The following PTPRD variants were observed in gnomAD, a reference collection of about 807,000 sequenced individuals.
PTPRD encodes receptor-type tyrosine-protein phosphatase delta.
Under a neutral mutation model 214.5 loss-of-function variants are expected in PTPRD, and 34 were observed. The observed-to-expected ratio is 0.16, with a 90% CI of 0.12 to 0.21. The LOEUF (loss-of-function observed/expected upper bound fraction) is 0.21, where lower values mean the gene tolerates loss of function less well. PTPRD is among the 10% of genes least tolerant of loss of function. The pLI, the probability that PTPRD is intolerant of heterozygous loss-of-function variation, is 1.00. For missense variants in PTPRD, 2,545 were observed against 2,398.7 expected (o/e 1.06, Z -1.27); for synonymous variants, 1,128 against 845.7 (o/e 1.33, Z -5.79).
intron 5 of PTPRD, among the ~76,000 whole-genome samples, chr9:9,886,385 G>A (rs141277861): frequency 6.6e-6 from 1 of 152,158 alleles, no homozygotes; most frequent in African/African-American, 2.4e-5. Context: ...CTTCACATGT[G>A]GACATAATAT....
intron 23 of PTPRD, among the ~76,000 whole-genome samples, chr9:8,502,924 G>A (rs2097444437): frequency 6.6e-6 from 1 of 151,354 alleles, no homozygotes; most frequent in Admixed American, 6.6e-5. Flanking sequence ...TAATATTGAA[G>A]CATGTAACAT....
intron 12 of PTPRD, among the ~76,000 whole-genome samples, chr9:8,658,386 T>C (rs540603473): frequency 2.6e-5 from 4 of 152,320 alleles, no homozygotes; most frequent in Admixed American, 2.6e-4. Context: ...GAACTCACAT[T>C]GTGTCCTATT....
At chr9:9,511,922 T>C (rs562089440) in intron 8 of PTPRD, among the ~76,000 whole-genome samples, 1 of 151,880 alleles carries the variant, frequency 6.6e-6, no homozygotes, top group South Asian at 2.1e-4. Flanking sequence ...AAAACTGCTA[T>C]TTGCATTCTT....
At position 9,042,614 on chromosome 9, in the gene PTPRD, C is replaced by CTTTTTTTTTTTTTTTTTTTTTTTTT. The variant is rs775574124; in HGVS notation, c.-142-23880_-142-23879insAAAAAAAAAAAAAAAAAAAAAAAAA. ...CCACTTAGCATTTTTTCTTTTTTTT[C>CTTTTTTTTTTTTTTTTTTTTTTTTT]TTTTCTTTTTTTTTTTTTTTGGTCT... On this transcript the variant is annotated intron_variant, in intron 10 of 45. Transcript: ENST00000381196. Among the ~76,000 whole-genome samples the CTTTTTTTTTTTTTTTTTTTTTTTTT allele has an allele frequency of 1.8e-5, 2 of 112,476 alleles. 1 individual carries two copies. The allele number at this position is 112,476 out of a possible 152,430, so 73.8% of individuals were successfully genotyped here.
intron 5 of PTPRD, among the ~76,000 whole-genome samples, chr9:9,770,820 G>C (rs1342320293): frequency 6.6e-6 from 1 of 152,124 alleles, no homozygotes; most frequent in Non-Finnish European, 1.5e-5. Flanking sequence ...GAAGTATATT[G>C]ATGAAATGAG....
intron 10 of PTPRD, among the ~76,000 whole-genome samples, chr9:9,117,827 G>A (rs2099813793): frequency 1.3e-5 from 2 of 151,694 alleles, no homozygotes; most frequent in Admixed American, 6.6e-5. Context: ...CCCATTGCTT[G>A]AAAAACCAAA....
chr9:8,724,928 A>C (rs2098541556), intron 12 of PTPRD, among the ~76,000 whole-genome samples: 2 of 152,150 alleles, frequency 1.3e-5, no homozygotes, highest in South Asian at 2.1e-4. Context: ...ACAGAGTGAG[A>C]CCCTGTGTCC....
chr9:8,978,578 C>G (rs1034550806), intron 11 of PTPRD, among the ~76,000 whole-genome samples: 1 of 152,052 alleles, frequency 6.6e-6, no homozygotes, highest in Non-Finnish European at 1.5e-5. Flanking sequence ...ACCAAGTGCA[C>G]GCAGCCTTGA....
At chr9:9,390,826 T>C (rs1044082787) in intron 9 of PTPRD, among the ~76,000 whole-genome samples, 3 of 152,154 alleles carry the variant, frequency 2.0e-5, no homozygotes, top group Admixed American at 2.0e-4. Flanking sequence ...CTGTGTTTGT[T>C]TCCTCATCTG....
At chr9:10,487,212 G>C (rs905228195) in intron 2 of PTPRD, among the ~76,000 whole-genome samples, 1 of 152,018 alleles carries the variant, frequency 6.6e-6, no homozygotes, top group Non-Finnish European at 1.5e-5. Context: ...GTTTCTTATA[G>C]GCAACAGATC....
intron 9 of PTPRD, among the ~76,000 whole-genome samples, chr9:9,391,926 T>C (rs1029094): frequency 0.97 from 147,265 of 152,214 alleles, 71,274 homozygotes; most frequent in East Asian, 1. Flanking sequence ...CCTTGAGTGG[T>C]AATCATATTG....
intron 11 of PTPRD, among the ~76,000 whole-genome samples, chr9:8,865,267 T>G (rs549131043): frequency 2.0e-5 from 3 of 152,312 alleles, no homozygotes; most frequent in African/African-American, 7.2e-5. Context: ...AAAACAAGAA[T>G]CTGTGTTGGA....
intron 10 of PTPRD, among the ~76,000 whole-genome samples, chr9:9,027,138 A>G (rs923228261): frequency 8.6e-5 from 13 of 151,630 alleles, no homozygotes; most frequent in Non-Finnish European, 1.6e-4. Context: ...TCTGGCATAC[A>G]TTCTGAATTT....
chr9:10,344,668 G>A (rs1044182577), intron 2 of PTPRD, among the ~76,000 whole-genome samples: 1 of 152,106 alleles, frequency 6.6e-6, no homozygotes, highest in Admixed American at 6.5e-5. Flanking sequence ...CATGAGCATG[G>A]AATGTTCTTC....
At chr9:9,099,993 A>G (rs916018834) in intron 10 of PTPRD, among the ~76,000 whole-genome samples, 6 of 152,190 alleles carry the variant, frequency 3.9e-5, no homozygotes, top group Admixed American at 3.3e-4. Context: ...TATTTATATA[A>G]AAGTGCTTTA....
intron 10 of PTPRD, among the ~76,000 whole-genome samples, chr9:9,152,673 T>C (rs1411581449): frequency 6.6e-6 from 1 of 152,196 alleles, no homozygotes; most frequent in Non-Finnish European, 1.5e-5. Flanking sequence ...TGTGGCGCTG[T>C]AGAGGCTAGT....
At chr9:9,649,526 A>G (rs1188077274) in intron 7 of PTPRD, among the ~76,000 whole-genome samples, 1 of 152,192 alleles carries the variant, frequency 6.6e-6, no homozygotes, top group East Asian at 1.9e-4. Flanking sequence ...AAAATGATAG[A>G]TTAGTCTATA....
intron 8 of PTPRD, among the ~76,000 whole-genome samples, chr9:9,559,251 T>A (rs1407059626): frequency 1.3e-5 from 2 of 152,150 alleles, no homozygotes; most frequent in African/African-American, 4.8e-5. Flanking sequence ...TACCACACTC[T>A]GAGCATGAAG....
At position 8,436,604 on chromosome 9, in the gene PTPRD, G is replaced by T; in HGVS notation, c.4074C>A (p.Ser1358=). Residue 1358 remains serine (S), a synonymous_variant, in exon 35 of 46, where the codon TCC becomes TCA. Coordinates refer to ENST00000381196, the MANE Select transcript of PTPRD (RefSeq NM_002839.4). The part of the protein sequence containing the change: ...RLKANDNLKF[S]QEYESIDPGQ... ...CACAGTGAATTACCTCATATTCCTGGGAAAACTTCAAGTTGTCATTTGCTT... is the reference window on the plus strand; with the variant it reads ...CACAGTGAATTACCTCATATTCCTGTGAAAACTTCAAGTTGTCATTTGCTT... 6.2e-7 allele frequency: 1 copy of T among 1,611,528 alleles called. No homozygotes were observed. Among genetic ancestry groups the T allele is most frequent in the Non-Finnish European group, 8.5e-7 (1 of 1,178,080 alleles).
Sources: gnomAD v4.1 joint callset for allele counts (sites outside exome capture counted in the v4.1 genomes callset) on GRCh38, gnomAD v4.1.1 for gene constraint, MANE v1.5 for transcripts, NCBI Gene and HGNC (gene_info 2026-07-23, HGNC 2026-07-21) for gene names.